ADAT1: variants seen among roughly 807,000 people sequenced by gnomAD.
ADAT1 encodes adenosine deaminase tRNA specific 1, also known as tRNA-specific adenosine deaminase 1.
In ADAT1, 58 loss-of-function variants were observed where a neutral mutation model predicts 58.6. The observed-to-expected ratio is 0.99, with a 90% CI of 0.80 to 1.23. The LOEUF is 1.23. Ranked by LOEUF, ADAT1 falls within the 50% of genes most tolerant of loss-of-function variation. The pLI, the probability that ADAT1 is intolerant of heterozygous loss-of-function variation, is 0.00. For synonymous variants in ADAT1, 254 were observed against 220.8 expected, an observed-to-expected ratio of 1.15 and a Z score of -1.33; for missense variants, 741 against 608.6, an observed-to-expected ratio of 1.22 and a Z score of -2.29.
At position 75,609,496 on chromosome 16, in the gene ADAT1, C is replaced by G. The variant is rs188376320; in HGVS notation, c.1044-508G>C. Among the ~76,000 whole-genome samples, 507 of 151,864 alleles carry G rather than the reference C, an allele frequency of 3.3e-3. 2 individuals are homozygous for G. Among genetic ancestry groups the G allele is most frequent in the African/African-American group, 0.011 (456 of 41,408 alleles). On this transcript the variant is annotated intron_variant, in intron 6 of 9. Coordinates refer to ENST00000564657, the MANE Select transcript of ADAT1 (RefSeq NM_001324445.2). ...TCCCAGGCACAGTGCCTAGGGTTGG[C>G]TTTTTTAAAAAAAAACAAAAAACCA...
chr16:75,600,778 C>A (rs1260676262), intron 9 of ADAT1, among the ~76,000 whole-genome samples: 1 of 152,190 alleles, frequency 6.6e-6, no homozygotes, highest in Non-Finnish European at 1.5e-5. Flanking sequence ...AAACCTCTAA[C>A]CTTCCCTTTG....
chr16:75,605,103 G>A (rs2081334387), intron 8 of ADAT1, among the ~76,000 whole-genome samples: 1 of 151,594 alleles, frequency 6.6e-6, no homozygotes. Context: ...TCTCTTTTTT[G>A]TTTTTGAAAT....
chr16:75,615,701 A>T (rs1597130330), intron 5 of ADAT1, among the ~76,000 whole-genome samples: 1 of 151,590 alleles, frequency 6.6e-6, no homozygotes. Flanking sequence ...CACTGGGATC[A>T]CCCCGGTCCT....
In ADAT1 at chr16:75,617,625, C is replaced by T. The variant is rs138046625; in HGVS notation, c.294-353G>A. ...CTTCAGCTTGGGTGACAGAGTGAGA[C>T]TCTATTTTTGTTTCTTTTTTTTTTT... On this transcript the variant is annotated intron_variant, in intron 4 of 9. Transcript: ENST00000564657. Among the ~76,000 whole-genome samples the T allele has an allele frequency of 1.0e-3, 153 of 150,246 alleles. 2 individuals carry two copies. Among genetic ancestry groups the T allele is most frequent in the Middle Eastern group, 3.4e-3 (1 of 294 alleles).
Position 75,612,655 on chromosome 16 carries a change from C to A in ADAT1, c.631G>T (p.Gly211Ter), listed in dbSNP as rs141222568. Reference sequence around the variant, plus strand: ...CCAAAACTCTGATGGTGAGCTGCTCCGTTGGTGACCTCCCTGGCTGCAGTC... The same window carrying A: ...CCAAAACTCTGATGGTGAGCTGCTCAGTTGGTGACCTCCCTGGCTGCAGTC... ...PGTAAREVTN[G>*]AAHHQSFGKQ... Residue 211 changes from glycine to a stop codon, truncating the protein, a stop_gained, in exon 6 of 10, where the codon GGA becomes TGA. Coordinates refer to ENST00000564657, the MANE Select transcript of ADAT1 (RefSeq NM_001324445.2). LOFTEE classifies it high-confidence loss of function. 8.1e-6 allele frequency: 13 copies of A among 1,614,060 alleles called. No individual in the cohort carries two copies. The Admixed American group carries it at 1.3e-4, about 17-fold the overall frequency.
At chr16:75,616,834 GC>G (rs1328379379) in intron 5 of ADAT1, among the ~76,000 whole-genome samples, 1 of 152,214 alleles carries the variant, frequency 6.6e-6, no homozygotes, top group East Asian at 1.9e-4. Flanking sequence ...GGATTTCCAA[GC>G]CCCATGTTGG....
At chr16:75,600,464 G>A (rs2081197036) in intron 9 of ADAT1, 116 bp from the exon 10 acceptor site, 1 of 1,468,888 alleles carries the variant, frequency 6.8e-7, no homozygotes, top group East Asian at 2.3e-5. Context: ...GGTAGAGAAG[G>A]AGTTCAGTAT....
rs1302457430 is a variant in ADAT1 at position 75,620,310 on chromosome 16, C to T, written c.194G>A (p.Gly65Glu). The T allele has an allele frequency of 2.5e-6, 4 of 1,614,152 alleles. No homozygotes were observed. Among genetic ancestry groups the T allele is most frequent in the Non-Finnish European group, 3.4e-6 (4 of 1,180,004 alleles). Residue 65 changes from glycine (G) to glutamate (E), a missense_variant, in exon 3 of 10, where the codon GGA becomes GAA. By Grantham distance (98) the Gly-to-Glu change is moderately conservative (BLOSUM62 -2). Coordinates refer to ENST00000564657, the MANE Select transcript of ADAT1 (RefSeq NM_001324445.2). Reference sequence around the variant, plus strand: ...CTGTCCTATGCATTTTGTTCCTGTTCCCATTGACACAACTTCCTTTGTCAC... The same window carrying T: ...CTGTCCTATGCATTTTGTTCCTGTTTCCATTGACACAACTTCCTTTGTCAC... Reference protein sequence around the residue: ...VQVTKEVVSMGTGTKCIGQSK... With the variant: ...VQVTKEVVSMETGTKCIGQSK...
intron 3 of ADAT1, 75 bp downstream of exon 3, chr16:75,620,191 T>A: frequency 7.5e-6 from 11 of 1,474,266 alleles, no homozygotes; most frequent in Non-Finnish European, 1.0e-5. Context: ...ATGGCCCCTC[T>A]TCCCTGACAA....
At chr16:75,605,115 GA>G (rs1567465567) in intron 8 of ADAT1, among the ~76,000 whole-genome samples, 1 of 151,956 alleles carries the variant, frequency 6.6e-6, no homozygotes, top group Non-Finnish European at 1.5e-5. Context: ...TTTTGAAATG[GA>G]GTCTCATTCT....
rs1227387296 is a variant in ADAT1, at chr16:75,598,216, A to G, written c.*2000T>C. On this transcript the variant is annotated 3_prime_UTR_variant, in exon 10 of 10. Coordinates refer to ENST00000564657, the MANE Select transcript of ADAT1 (RefSeq NM_001324445.2). The stretch of plus-strand genomic sequence containing the variant: ...CTCAGCCTCCTGAGTAGTTGGGACT[A>G]TAGGCGTGCGCCAATACACCTGGCT... 8.7e-6 allele frequency: 3 copies of G among 346,424 alleles called. No homozygotes were observed. The highest frequency in any genetic ancestry group is 1.3e-4 in the East Asian group (1 of 7,784). 21.5% of individuals were successfully genotyped at this position (346,424 alleles called of 1,614,324 possible).
At position 75,618,590 on chromosome 16, in the gene ADAT1, G is replaced by C. The variant is rs530862419; in HGVS notation, c.289C>G (p.Gln97Glu). The C allele has an allele frequency of 5.6e-6, 9 of 1,602,516 alleles. No homozygotes were observed. Among genetic ancestry groups the C allele is most frequent in the Non-Finnish European group, 6.8e-6 (8 of 1,175,244 alleles). Reference sequence around the variant, plus strand: ...ACTCTGGAGATGTGGCTTTACCTTTGGAAACTCCTTCTGGCTATGACCTCA... The same window carrying C: ...ACTCTGGAGATGTGGCTTTACCTTTCGAAACTCCTTCTGGCTATGACCTCA... ...HAEVIARRSFQRYLLHQLQLA... is the reference protein window; with the variant it reads ...HAEVIARRSFERYLLHQLQLA... Residue 97 changes from glutamine (Q) to glutamate (E), a missense_variant, in exon 4 of 10, where the codon CAA (glutamine) becomes GAA (glutamate). By Grantham distance (29) the Gln-to-Glu change is conservative. Coordinates refer to ENST00000564657, the MANE Select transcript of ADAT1 (RefSeq NM_001324445.2).
intron 3 of ADAT1, 35 bp from the exon 4 acceptor site, chr16:75,618,675 T>C (rs552680903): frequency 4.3e-6 from 7 of 1,611,224 alleles, no homozygotes; most frequent in Admixed American, 3.4e-5. Flanking sequence ...TGAAGACATA[T>C]GGAAGCTGGA....
intron 4 of ADAT1, among the ~76,000 whole-genome samples, chr16:75,617,561 G>A (rs1253507788): frequency 1.3e-5 from 2 of 151,922 alleles, no homozygotes; most frequent in African/African-American, 4.8e-5. Flanking sequence ...TTAAGCCCAG[G>A]AGTTTGAGGC....
At chr16:75,604,829 T>C (rs1189251768) in intron 8 of ADAT1, among the ~76,000 whole-genome samples, 1 of 152,116 alleles carries the variant, frequency 6.6e-6, no homozygotes, top group Non-Finnish European at 1.5e-5. Flanking sequence ...TTGTCAGTTC[T>C]AGTCAACACA....
At chr16:75,608,502 T>A (rs999006229) in intron 7 of ADAT1, 179 bp from the exon 8 acceptor site, 1 of 592,240 alleles carries the variant, frequency 1.7e-6, no homozygotes, top group Non-Finnish European at 3.0e-6. Flanking sequence ...TGGTTCATAA[T>A]TCATTATTAT....
chr16:75,607,481 GACAGAGCAAGACTCTATCTCA>G (rs1018885372), intron 8 of ADAT1, among the ~76,000 whole-genome samples: 1 of 142,844 alleles, frequency 7.0e-6, no homozygotes, highest in African/African-American at 2.6e-5. Context: ...CAGCCCAGGT[GACAGAGCAAGACTCTATCTCA>G]AAAAAAAAAA....
chr16:75,612,712 G>A lies in ADAT1; in HGVS notation c.574C>T (p.Pro192Ser), dbSNP rs2081586470. 1.9e-6 allele frequency: 3 copies of A among 1,613,958 alleles called. No homozygotes were observed. The highest frequency in any genetic ancestry group is 1.7e-5 in the Admixed American group (1 of 59,970). ...TCAAGCCTCATCTTTTTGGTTACAG[G>A]ACTGTCAGGGTCTTCACATTTTCTT... is the stretch of plus-strand genomic sequence containing the variant. Reference protein sequence around the residue: ...NERKCEDPDSPVTKKMRLEPG... With the variant: ...NERKCEDPDSSVTKKMRLEPG... The change falls in exon 6 of 10, where the codon CCT (proline) becomes TCT (serine). Residue 192 changes from proline to serine, a missense_variant. Coordinates refer to ENST00000564657, the MANE Select transcript of ADAT1 (RefSeq NM_001324445.2).
At chr16:75,613,654 G>A (rs2081618253) in intron 5 of ADAT1, among the ~76,000 whole-genome samples, 1 of 152,138 alleles carries the variant, frequency 6.6e-6, no homozygotes, top group African/African-American at 2.4e-5. Flanking sequence ...TGTGGCGGCT[G>A]TCCTGTACAT....
Sources: gnomAD v4.1 joint callset for allele counts (sites outside exome capture counted in the v4.1 genomes callset) on GRCh38, gnomAD v4.1.1 for gene constraint, MANE v1.5 for transcripts, NCBI Gene and HGNC (gene_info 2026-07-23, HGNC 2026-07-21) for gene names.